PRKN: variants seen among roughly 807,000 people sequenced by gnomAD.
The protein encoded by PRKN is E3 ubiquitin-protein ligase parkin.
In PRKN, 56 loss-of-function variants were observed where a neutral mutation model predicts 59.5. The observed-to-expected ratio is 0.94, with a 90% CI of 0.76 to 1.18. The LOEUF (loss-of-function observed/expected upper bound fraction) is 1.18, where lower values mean the gene tolerates loss of function less well. Among genes scored for constraint, PRKN ranks in the 50% most tolerant of loss-of-function variants. The pLI is 0.00. For synonymous variants in PRKN, 250 were observed against 222.1 expected, an observed-to-expected ratio of 1.13 and a Z score of -1.12; for missense variants, 657 against 596.4, an observed-to-expected ratio of 1.10 and a Z score of -1.06.
intron 7 of PRKN, among the ~76,000 whole-genome samples, chr6:161,743,958 C>T (rs758087906): frequency 1.3e-4 from 20 of 152,190 alleles, no homozygotes; most frequent in African/African-American, 2.2e-4. Context: ...AACTGTTCCA[C>T]GGAGCCCTGG....
At chr6:162,588,398 A>C (rs2846549) in intron 1 of PRKN, among the ~76,000 whole-genome samples, 58,236 of 151,852 alleles carry the variant, frequency 0.38, 12,033 homozygotes, top group Non-Finnish European at 0.46. Flanking sequence ...TTAACAAAAA[A>C]AAAAAGCAAA....
At chr6:161,967,247 G>A (rs1372726683) in intron 6 of PRKN, among the ~76,000 whole-genome samples, 1 of 151,556 alleles carries the variant, frequency 6.6e-6, no homozygotes, top group Non-Finnish European at 1.5e-5. Flanking sequence ...TTATACATCG[G>A]CCTACATGTT....
Position 162,096,815 on chromosome 6 carries a change from A to G in PRKN, c.535-42641T>C, listed in dbSNP as rs958686450. Among the ~76,000 whole-genome samples, 6 of 125,628 alleles carry G rather than the reference A, an allele frequency of 4.8e-5. No individual in the cohort carries two copies. In the Admixed American group the frequency reaches 4.8e-4, roughly 10 times the overall value. The allele number at this position is 125,628 out of a possible 152,430, so 82.4% of individuals were successfully genotyped here. Reference sequence around the variant, plus strand: ...ATTGCCCAGTCTTGGGTATGTCTTTATCAGAGTGTGAGAATGGACTCATAC... The same window carrying G: ...ATTGCCCAGTCTTGGGTATGTCTTTGTCAGAGTGTGAGAATGGACTCATAC... On this transcript the variant is annotated intron_variant, in intron 4 of 11. Transcript: ENST00000366898.
intron 5 of PRKN, among the ~76,000 whole-genome samples, chr6:161,979,513 A>T (rs964715470): frequency 1.3e-5 from 2 of 152,112 alleles, no homozygotes; most frequent in African/African-American, 4.8e-5. Flanking sequence ...ACCTCAAGTG[A>T]TCCACCCACC....
intron 9 of PRKN, among the ~76,000 whole-genome samples, chr6:161,504,171 C>T (rs1020151791): frequency 4.6e-5 from 7 of 152,148 alleles, no homozygotes; most frequent in Non-Finnish European, 8.8e-5. Context: ...AGAAAGATCC[C>T]AAAGGGTCTC....
At chr6:161,864,828 G>T (rs542591916) in intron 6 of PRKN, among the ~76,000 whole-genome samples, 1 of 151,400 alleles carries the variant, frequency 6.6e-6, no homozygotes, top group African/African-American at 2.4e-5. Context: ...TAATTTTTTC[G>T]TATTTTTAGT....
intron 1 of PRKN, among the ~76,000 whole-genome samples, chr6:162,583,665 T>A (rs1780880089): frequency 6.6e-6 from 1 of 152,166 alleles, no homozygotes; most frequent in South Asian, 2.1e-4. Context: ...AGGGCAGCCA[T>A]TCTAAAGAGT....
chr6:162,471,100 A>T (rs1243174495), intron 1 of PRKN, among the ~76,000 whole-genome samples: 1 of 144,294 alleles, frequency 6.9e-6, no homozygotes, highest in African/African-American at 2.7e-5. Context: ...TTTCATTTTT[A>T]TTTATTTATT....
chr6:162,120,596 C>T (rs760595506), intron 4 of PRKN, among the ~76,000 whole-genome samples: 3 of 152,134 alleles, frequency 2.0e-5, no homozygotes, highest in Admixed American at 6.6e-5. Context: ...GTCTATTTTA[C>T]GGAGATTGCA....
chr6:161,778,769 C>T (rs4709554), intron 7 of PRKN, among the ~76,000 whole-genome samples: 2 of 152,244 alleles, frequency 1.3e-5, no homozygotes, highest in South Asian at 4.1e-4. Flanking sequence ...GCCCAAAGTG[C>T]CCATCGTGTT....
At chr6:162,553,487 A>C (rs1042610046) in intron 1 of PRKN, among the ~76,000 whole-genome samples, 1 of 147,642 alleles carries the variant, frequency 6.8e-6, no homozygotes, top group Admixed American at 7.0e-5. Context: ...AGGAGGGAAG[A>C]GCCATCTGCT....
chr6:161,969,276 T>TG (rs916571843), intron 6 of PRKN, among the ~76,000 whole-genome samples: 8 of 151,726 alleles, frequency 5.3e-5, no homozygotes, highest in East Asian at 1.9e-4. Flanking sequence ...TTGTTTTTTT[T>TG]TTTTTTTTTT....
chr6:162,673,401 T>C (rs1279219671), intron 1 of PRKN, among the ~76,000 whole-genome samples: 1 of 152,194 alleles, frequency 6.6e-6, no homozygotes, highest in Non-Finnish European at 1.5e-5. Context: ...CAAAGTATGA[T>C]AAAATGTAGT....
intron 2 of PRKN, among the ~76,000 whole-genome samples, chr6:162,417,567 G>A (rs186374403): frequency 9.2e-5 from 14 of 152,314 alleles, no homozygotes; most frequent in African/African-American, 3.1e-4. Context: ...CTGCTTTAAT[G>A]AGCAAAACCC....
chr6:161,685,871 T>C (rs1388158859), intron 7 of PRKN, among the ~76,000 whole-genome samples: 1 of 152,200 alleles, frequency 6.6e-6, no homozygotes. Flanking sequence ...CTGAGGTTTC[T>C]GATACCCCCT....
intron 3 of PRKN, among the ~76,000 whole-genome samples, chr6:162,227,671 C>A (rs1778241078): frequency 1.3e-5 from 2 of 152,166 alleles, no homozygotes; most frequent in African/African-American, 4.8e-5. Flanking sequence ...CTCTTCCCCT[C>A]ACTCTTAAAC....
intron 7 of PRKN, among the ~76,000 whole-genome samples, chr6:161,599,232 T>C (rs943327844): frequency 2.0e-5 from 3 of 152,204 alleles, no homozygotes; most frequent in Admixed American, 6.5e-5. Context: ...AGATTGTTTT[T>C]TGGCAGCCCT....
chr6:161,803,945 G>A (rs1791200728), intron 6 of PRKN, among the ~76,000 whole-genome samples: 1 of 152,230 alleles, frequency 6.6e-6, no homozygotes, highest in Non-Finnish European at 1.5e-5. Context: ...TGGAACCAAA[G>A]AAGGAGGCGG....
chr6:162,077,529 AG>A (rs1325528770), intron 4 of PRKN, among the ~76,000 whole-genome samples: 1 of 152,018 alleles, frequency 6.6e-6, no homozygotes, highest in Non-Finnish European at 1.5e-5. Context: ...AGGGACCTGG[AG>A]GAGGTCTCTT....
Sources: gnomAD v4.1 joint callset for allele counts (sites outside exome capture counted in the v4.1 genomes callset) on GRCh38, gnomAD v4.1.1 for gene constraint, MANE v1.5 for transcripts, NCBI Gene and HGNC (gene_info 2026-07-23, HGNC 2026-07-21) for gene names.